The following DNAH6 variants were observed in gnomAD, a reference collection of about 807,000 sequenced individuals.
DNAH6 encodes the protein axonemal beta dynein heavy chain 6.
Under a neutral mutation model 491.4 loss-of-function variants are expected in DNAH6, and 340 were observed. That is an observed-to-expected ratio of 0.69 (90% CI 0.63 to 0.76). DNAH6 has a LOEUF of 0.76. Ranked by LOEUF, DNAH6 falls within the 30% of genes least tolerant of loss-of-function variation. DNAH6 has a pLI of 0.00. For synonymous variants in DNAH6, 1,603 were observed against 1,686.1 expected (o/e 0.95, Z 1.21); for missense variants, 4,443 against 4,972.2 (o/e 0.89, Z 3.20).
At chr2:84,721,592 A>C (rs944311550) in intron 59 of DNAH6, among the ~76,000 whole-genome samples, 6 of 152,386 alleles carry the variant, frequency 3.9e-5, no homozygotes, top group Admixed American at 3.9e-4. Flanking sequence ...AATCCAAAGA[A>C]ACAAAATATC....
At chr2:84,704,344 G>T (rs1335202022) in intron 51 of DNAH6, 42 bp downstream of exon 51, 3 of 1,409,118 alleles carry the variant, frequency 2.1e-6, no homozygotes, top group Non-Finnish European at 2.9e-6. Flanking sequence ...TACCTGGTAA[G>T]AGTTCTTTAC....
chr2:84,587,805 A>C (rs549948319), intron 15 of DNAH6, among the ~76,000 whole-genome samples: 1 of 152,296 alleles, frequency 6.6e-6, no homozygotes, highest in African/African-American at 2.4e-5. Flanking sequence ...CCTCATGGCG[A>C]ATAGATGGGA....
intron 4 of DNAH6, among the ~76,000 whole-genome samples, chr2:84,541,344 C>A (rs1678221338): frequency 6.6e-6 from 1 of 152,172 alleles, no homozygotes; most frequent in African/African-American, 2.4e-5. Context: ...CTTTTCCTCA[C>A]CCTGCGGCCC....
At chr2:84,813,245 A>G (rs1680171396) in intron 74 of DNAH6, 115 bp downstream of exon 74, 11 of 751,838 alleles carry the variant, frequency 1.5e-5, no homozygotes, top group African/African-American at 3.5e-5. Context: ...GAGGCTATTG[A>G]TCATAGGGCA....
At chr2:84,629,629 T>A (rs1246892333) in intron 29 of DNAH6, among the ~76,000 whole-genome samples, 1 of 152,246 alleles carries the variant, frequency 6.6e-6, no homozygotes, top group African/African-American at 2.4e-5. Context: ...TTATTGATAC[T>A]GATTTCTTCT....
At position 84,544,331 on chromosome 2, in the gene DNAH6, T is replaced by C. The variant is rs186642706; in HGVS notation, c.761T>C (p.Ile254Thr). The C allele has an allele frequency of 3.2e-6, 5 of 1,542,628 alleles. No homozygotes were observed. The highest frequency in any genetic ancestry group is 1.2e-5 in the South Asian group (1 of 83,788). ...AATGAAGACATTGAATTTATCGAAA[T>C]TGATCGATGGGAACAGGAATATCTG... The part of the protein sequence containing the change: ...IYNEDIEFIE[I>T]DRWEQEYLYH... The change falls in exon 5 of 77, where the codon ATT becomes ACT. Residue 254 changes from isoleucine (I) to threonine (T), a missense_variant. By Grantham distance (89) the Ile-to-Thr change is moderately conservative. Transcript: ENST00000389394.
At chr2:84,541,172 G>A (rs1312213589) in intron 4 of DNAH6, among the ~76,000 whole-genome samples, 2 of 152,080 alleles carry the variant, frequency 1.3e-5, no homozygotes, top group East Asian at 3.9e-4. Flanking sequence ...CATAGGAGTC[G>A]TGGTTCAACT....
chr2:84,655,356 TCA>T (rs375190092), intron 35 of DNAH6, among the ~76,000 whole-genome samples: 30 of 152,178 alleles, frequency 2.0e-4, no homozygotes, highest in African/African-American at 6.7e-4. Flanking sequence ...TCAAAACAAC[TCA>T]GTTTCATACT....
intron 52 of DNAH6, 56 bp from the exon 53 acceptor site, chr2:84,706,840 G>C: frequency 2.0e-6 from 3 of 1,501,062 alleles, no homozygotes; most frequent in Non-Finnish European, 2.6e-6. Flanking sequence ...TATTATTAAT[G>C]GGCAAATTCA....
chr2:84,749,266 A>AAG (rs1471280611), intron 63 of DNAH6, among the ~76,000 whole-genome samples: 1 of 152,256 alleles, frequency 6.6e-6, no homozygotes, highest in African/African-American at 2.4e-5. Context: ...AGAGAATGCA[A>AAG]GACCATTGAG....
chr2:84,511,559 C>G (rs1375762224), upstream of DNAH6, among the ~76,000 whole-genome samples: 1 of 152,174 alleles, frequency 6.6e-6, no homozygotes, highest in African/African-American at 2.4e-5. Context: ...GGCTCACTCT[C>G]GGTGCGCTGC....
chr2:84,755,212 T>C (rs1673881749), intron 63 of DNAH6, among the ~76,000 whole-genome samples: 1 of 152,166 alleles, frequency 6.6e-6, no homozygotes, highest in East Asian at 1.9e-4. Context: ...GTGATTTAGT[T>C]ATCACAAGAA....
intron 41 of DNAH6, among the ~76,000 whole-genome samples, 180 bp downstream of exon 41, chr2:84,677,316 C>T (rs979452529): frequency 6.6e-6 from 1 of 152,170 alleles, no homozygotes; most frequent in African/African-American, 2.4e-5. Flanking sequence ...GCATCACTGC[C>T]TTCTGTATCT....
intron 63 of DNAH6, among the ~76,000 whole-genome samples, chr2:84,762,458 C>G (rs560202599): frequency 2.0e-5 from 3 of 152,118 alleles, no homozygotes; most frequent in African/African-American, 7.2e-5. Context: ...GAATGTGAAA[C>G]AGGACAGAAG....
chr2:84,550,531 A>G (rs1679234099), intron 9 of DNAH6, among the ~76,000 whole-genome samples: 1 of 152,140 alleles, frequency 6.6e-6, no homozygotes, highest in African/African-American at 2.4e-5. Context: ...AGCCTACAAT[A>G]CACATGAAAT....
chr2:84,808,272 A>T, intron 71 of DNAH6, 143 bp from the exon 72 acceptor site: 1 of 908,536 alleles, frequency 1.1e-6, no homozygotes, highest in Non-Finnish European at 1.6e-6. Context: ...TTATAGAAAC[A>T]TCACATTTAA....
At chr2:84,475,393 G>T in the DNAH6 span, among the ~76,000 whole-genome samples, 1 of 152,232 alleles carries the variant, frequency 6.6e-6, no homozygotes, top group South Asian at 2.1e-4. Context: ...TTTGCTAAAT[G>T]TAGAATGACA....
intron 35 of DNAH6, among the ~76,000 whole-genome samples, chr2:84,655,739 T>G (rs990033569): frequency 7.9e-5 from 12 of 152,052 alleles, no homozygotes; most frequent in African/African-American, 1.4e-4. Context: ...GAAATGAGAG[T>G]TCCCATGCAC....
chr2:84,621,558 T>G lies in DNAH6; in HGVS notation c.4071+7T>G. 1.4e-5 allele frequency: 18 copies of G among 1,260,180 alleles called. No homozygotes were observed. Among genetic ancestry groups the G allele is most frequent in the African/African-American group, 4.5e-5 (3 of 67,332 alleles). 78.1% of individuals were successfully genotyped at this position (1,260,180 alleles called of 1,614,324 possible). A position where few individuals can be genotyped will look rare whatever the true frequency, so the allele number is the denominator to read the frequency against. ...TGAAAAAGTAAATTTTGAGGTGAGA[T>G]CTGTAACAAAGTGACATTGTTGTCC... On this transcript the variant is annotated splice_region_variant and intron_variant, in intron 26 of 76. Coordinates refer to ENST00000389394, the MANE Select transcript of DNAH6 (RefSeq NM_001370.2).
Sources: gnomAD v4.1 joint callset for allele counts (sites outside exome capture counted in the v4.1 genomes callset) on GRCh38, gnomAD v4.1.1 for gene constraint, MANE v1.5 for transcripts, NCBI Gene and HGNC (gene_info 2026-07-23, HGNC 2026-07-21) for gene names.